Variants in PKHD1 observed in about 807,000 individuals in gnomAD.
PKHD1 encodes the protein PKHD1 ciliary IPT domain containing fibrocystin/polyductin.
In PKHD1, 291 loss-of-function variants were observed where a neutral mutation model predicts 412.0. The ratio of observed to expected loss-of-function variants is 0.71; its 90% CI spans 0.64 to 0.78. The LOEUF is 0.78. Ranked by LOEUF, PKHD1 falls within the 30% of genes least tolerant of loss-of-function variation. PKHD1 has a pLI of 0.00. For missense variants in PKHD1, 4,825 were observed against 4,950.7 expected (o/e 0.97, Z 0.76); for synonymous variants, 1,777 against 1,821.5 (o/e 0.98, Z 0.62).
At chr6:52,038,374 CAAA>C (rs34413030) in intron 27 of PKHD1, among the ~76,000 whole-genome samples, 6 of 111,538 alleles carry the variant, frequency 5.4e-5, no homozygotes, top group Non-Finnish European at 5.9e-5. Context: ...GACTCGGTCT[CAAA>C]AAAAAAAAAA....
intron 28 of PKHD1, 43 bp from the exon 29 acceptor site, chr6:52,033,208 A>T: frequency 6.7e-7 from 1 of 1,499,046 alleles, no homozygotes. Flanking sequence ...TTTTATTTTA[A>T]AGTAGGACTG....
At chr6:52,068,724 AC>A (rs1810134954) in intron 11 of PKHD1, among the ~76,000 whole-genome samples, 2 of 152,180 alleles carry the variant, frequency 1.3e-5, no homozygotes, top group Admixed American at 1.3e-4. Context: ...CTTCAAACTT[AC>A]CCCAAATAGA....
chr6:51,972,669 A>C, intron 35 of PKHD1, among the ~76,000 whole-genome samples: 1 of 152,212 alleles, frequency 6.6e-6, no homozygotes, highest in Non-Finnish European at 1.5e-5. Context: ...TGTCTGCATG[A>C]AGGCATAATT....
chr6:52,046,754 G>C (rs955362058), intron 23 of PKHD1, among the ~76,000 whole-genome samples: 4 of 152,228 alleles, frequency 2.6e-5, no homozygotes, highest in Non-Finnish European at 5.9e-5. Flanking sequence ...ACAGCTCTCT[G>C]TATTTGAACC....
At chr6:51,676,970 G>A (rs1775953146) in intron 60 of PKHD1, among the ~76,000 whole-genome samples, 1 of 152,112 alleles carries the variant, frequency 6.6e-6, no homozygotes, top group South Asian at 2.1e-4. Context: ...CAATATAGGT[G>A]ATAGGAAACA....
intron 66 of PKHD1, among the ~76,000 whole-genome samples, chr6:51,625,805 T>A (rs1767154588): frequency 6.6e-6 from 1 of 152,192 alleles, no homozygotes; most frequent in Admixed American, 6.5e-5. Context: ...ATGGCAGCGT[T>A]CAAACACCTG....
intron 36 of PKHD1, among the ~76,000 whole-genome samples, chr6:51,942,919 T>C (rs1788806974): frequency 6.6e-6 from 1 of 151,624 alleles, no homozygotes. Flanking sequence ...GATTTGCCCC[T>C]GCCCAGGACT....
chr6:51,965,615 G>C (rs1263702081), intron 35 of PKHD1, among the ~76,000 whole-genome samples: 1 of 151,896 alleles, frequency 6.6e-6, no homozygotes, highest in African/African-American at 2.4e-5. Flanking sequence ...GATAACATGA[G>C]AATGTCCTTC....
intron 43 of PKHD1, among the ~76,000 whole-genome samples, chr6:51,890,673 A>G (rs908463082): frequency 1.1e-4 from 17 of 152,148 alleles, no homozygotes; most frequent in African/African-American, 4.1e-4. Flanking sequence ...AAATCCAGAG[A>G]ATGTAAAATC....
chr6:51,701,160 G>C (rs1261423314), intron 60 of PKHD1, among the ~76,000 whole-genome samples: 2 of 151,906 alleles, frequency 1.3e-5, no homozygotes, highest in African/African-American at 2.4e-5. Context: ...ATTAACTCTG[G>C]GTTGTATTTT....
intron 52 of PKHD1, among the ~76,000 whole-genome samples, chr6:51,800,125 C>A (rs1055200829): frequency 3.3e-5 from 5 of 152,178 alleles, no homozygotes; most frequent in Admixed American, 1.3e-4. Context: ...GCTTTTCCCC[C>A]CAAAGGGGCT....
intron 52 of PKHD1, among the ~76,000 whole-genome samples, chr6:51,805,902 G>A (rs1027855678): frequency 6.6e-6 from 1 of 152,066 alleles, no homozygotes; most frequent in African/African-American, 2.4e-5. Flanking sequence ...TGGACATTTG[G>A]CTTGGTTCCA....
chr6:51,962,420 T>A (rs1792194101), intron 35 of PKHD1, among the ~76,000 whole-genome samples: 1 of 152,152 alleles, frequency 6.6e-6, no homozygotes, highest in African/African-American at 2.4e-5. Flanking sequence ...TATCTAGCTC[T>A]CAATAAGCTT....
chr6:52,060,231 C>T (rs1390001938), intron 14 of PKHD1, among the ~76,000 whole-genome samples, 189 bp from the exon 15 acceptor site: 2 of 152,164 alleles, frequency 1.3e-5, no homozygotes, highest in Non-Finnish European at 1.5e-5. Flanking sequence ...TAGCCCAATA[C>T]ATCTCTACAC....
intron 39 of PKHD1, 44 bp from the exon 40 acceptor site, chr6:51,909,518 C>T: frequency 6.8e-7 from 1 of 1,475,032 alleles, no homozygotes; most frequent in South Asian, 1.1e-5. Flanking sequence ...GCATGTAGAA[C>T]ATGCTTCCAG....
At chr6:51,788,414 T>G (rs1363654552) in intron 53 of PKHD1, among the ~76,000 whole-genome samples, 2 of 132,594 alleles carry the variant, frequency 1.5e-5, no homozygotes, top group Non-Finnish European at 3.3e-5. Context: ...GTGTACTGCA[T>G]CAAGGAGTTC....
intron 43 of PKHD1, among the ~76,000 whole-genome samples, chr6:51,902,702 A>T (rs909598052): frequency 2.0e-5 from 3 of 152,200 alleles, no homozygotes; most frequent in African/African-American, 7.2e-5. Context: ...GATCCATGGG[A>T]TAAAATAATT....
chr6:51,988,477 C>A (rs751156148), intron 35 of PKHD1, among the ~76,000 whole-genome samples: 1 of 152,182 alleles, frequency 6.6e-6, no homozygotes, highest in African/African-American at 2.4e-5. Flanking sequence ...TTCATTCCCC[C>A]ACCTTGCTCC....
chr6:51,686,804 A>C (rs1369047964), intron 60 of PKHD1, among the ~76,000 whole-genome samples: 1 of 152,108 alleles, frequency 6.6e-6, no homozygotes, highest in Admixed American at 6.6e-5. Context: ...TCAATGATTA[A>C]CTCTAGAATT....
Sources: allele counts gnomAD v4.1 joint callset (sites outside exome capture counted in the v4.1 genomes callset), GRCh38; gene constraint gnomAD v4.1.1; transcripts MANE v1.5; gene names NCBI Gene and HGNC (gene_info 2026-07-23, HGNC 2026-07-21).